TRMT10B: variants seen among roughly 807,000 people sequenced by gnomAD.
TRMT10B encodes the protein tRNA methyltransferase 10 homolog B.
TRMT10B carries 33 observed loss-of-function variants against 43.8 expected under a neutral mutation model. The ratio of observed to expected loss-of-function variants is 0.75; its 90% CI spans 0.57 to 1.01. The LOEUF is 1.01. Ranked by LOEUF, TRMT10B falls within the 50% of genes least tolerant of loss-of-function variation. The pLI, the probability that TRMT10B is intolerant of heterozygous loss-of-function variation, is 0.00. For synonymous variants in TRMT10B, 137 were observed against 130.6 expected (o/e 1.05, Z -0.34); for missense variants, 362 against 369.8 (o/e 0.98, Z 0.17).
intron 6 of TRMT10B, 39 bp downstream of exon 6, chr9:37,770,058 TC>T: frequency 6.5e-7 from 1 of 1,542,210 alleles, no homozygotes. Context: ...AGCCCATTGT[TC>T]CTGTGTTTCA....
rs1362824909 is a variant in TRMT10B, at chr9:37,777,609, A to G, written c.853A>G (p.Ile285Val). Residue 285 changes from isoleucine (I) to valine (V), a missense_variant, in exon 9 of 9, where the codon ATC (isoleucine) becomes GTC (valine). By Grantham distance (29) the Ile-to-Val change is conservative. Coordinates refer to ENST00000297994, the MANE Select transcript of TRMT10B (RefSeq NM_144964.4). The part of the protein sequence containing the change: ...EILAINQVFD[I>V]LSTYLETHNW... The stretch of plus-strand genomic sequence containing the variant: ...TGTTTACTCTCTAACAGTGTTTGAT[A>G]TCCTGTCCACTTACTTAGAGACTCA... 1 of 1,613,004 alleles carries G rather than the reference A, an allele frequency of 6.2e-7. No individual in the cohort carries two copies.
At position 37,753,867 on chromosome 9, in the gene TRMT10B, G is replaced by C. The variant is rs1037985613; in HGVS notation, c.-30+15G>C. ...GAGGGGATCAGGTACGCTGTCCGCT[G>C]GTTAAGGGGGCTGGCTGGGGGCTGC... On this transcript the variant is annotated intron_variant, in intron 1 of 8. Coordinates refer to ENST00000297994, the MANE Select transcript of TRMT10B (RefSeq NM_144964.4). The C allele has an allele frequency of 6.6e-6, 1 of 152,472 alleles. No individual in the cohort carries two copies. Among genetic ancestry groups the C allele is most frequent in the South Asian group, 2.1e-4 (1 of 4,842 alleles). The allele number at this position is 152,472 out of a possible 1,614,324, so 9.4% of individuals were successfully genotyped here.
At chr9:37,774,768 G>T (rs747724374) in intron 7 of TRMT10B, among the ~76,000 whole-genome samples, 1 of 152,174 alleles carries the variant, frequency 6.6e-6, no homozygotes, top group Non-Finnish European at 1.5e-5. Flanking sequence ...TGTCAGCACC[G>T]AAAAGGTACT....
At chr9:37,763,090 C>T (rs1428614049) in intron 3 of TRMT10B, among the ~76,000 whole-genome samples, 6 of 136,942 alleles carry the variant, frequency 4.4e-5, no homozygotes, top group Admixed American at 1.6e-4. Flanking sequence ...TGCAGTGAGC[C>T]GAGATTGAGC....
chr9:37,752,905 A>G (rs1228000616), upstream of TRMT10B, among the ~76,000 whole-genome samples: 1 of 152,140 alleles, frequency 6.6e-6, no homozygotes, highest in African/African-American at 2.4e-5. Flanking sequence ...AGCAGCGGCA[A>G]CCCGTTGGGG....
intron 4 of TRMT10B, 171 bp downstream of exon 4, chr9:37,763,924 A>C: frequency 7.4e-7 from 1 of 1,349,646 alleles, no homozygotes. Flanking sequence ...GTTGTAACGA[A>C]CCTGGAAGAG....
chr9:37,767,696 T>A (rs1189061814), intron 4 of TRMT10B, among the ~76,000 whole-genome samples: 1 of 151,924 alleles, frequency 6.6e-6, no homozygotes, highest in Non-Finnish European at 1.5e-5. Context: ...TCTCCTGAAG[T>A]TAGGAAGAAG....
rs1358418440 is a variant in TRMT10B, at chr9:37,756,574, T to C, written c.-30+2722T>C. Among the ~76,000 whole-genome samples the C allele has an allele frequency of 2.0e-5, 3 of 151,888 alleles. No individual in the cohort carries two copies. In the East Asian group the frequency reaches 5.8e-4, roughly 29 times the overall value. On this transcript the variant is annotated intron_variant, in intron 1 of 8. Coordinates refer to ENST00000297994, the MANE Select transcript of TRMT10B (RefSeq NM_144964.4). Reference sequence around the variant, plus strand: ...TGAAAAAATTAGCGTGGTGTGGTGGTGCGTGCCCGTAGACCCAGCTACTCG... The same window carrying C: ...TGAAAAAATTAGCGTGGTGTGGTGGCGCGTGCCCGTAGACCCAGCTACTCG...
At chr9:37,763,502 AACGAAT>A (rs774143455) in intron 3 of TRMT10B, 121 bp from the exon 4 acceptor site, 791 of 748,202 alleles carry the variant, frequency 1.1e-3, no homozygotes, top group Non-Finnish European at 1.2e-3. Flanking sequence ...TCTTCTAATG[AACGAAT>A]ACCTTACATC....
At chr9:37,754,162 G>T (rs929385831) in intron 1 of TRMT10B, among the ~76,000 whole-genome samples, 2 of 152,206 alleles carry the variant, frequency 1.3e-5, no homozygotes, top group African/African-American at 2.4e-5. Context: ...ACCTAGGGTG[G>T]GGGTGCGGAG....
At chr9:37,776,162 A>G in intron 7 of TRMT10B, 120 bp from the exon 8 acceptor site, 1 of 861,126 alleles carries the variant, frequency 1.2e-6, no homozygotes, top group South Asian at 3.1e-5. Flanking sequence ...GAGACAGTTA[A>G]CTCATTATCT....
chr9:37,753,577 G>C (rs78591290), upstream of TRMT10B, among the ~76,000 whole-genome samples: 2 of 152,056 alleles, frequency 1.3e-5, no homozygotes, highest in African/African-American at 2.4e-5. Flanking sequence ...CTGTGAAGTT[G>C]GTAAAGGGTT....
upstream of TRMT10B, among the ~76,000 whole-genome samples, chr9:37,753,217 C>T (rs1279417671): frequency 6.6e-6 from 1 of 152,230 alleles, no homozygotes; most frequent in Non-Finnish European, 1.5e-5. Context: ...AATTGTAACA[C>T]CGCGATGGTC....
chr9:37,767,973 T>C (rs1827170305), intron 4 of TRMT10B, 103 bp from the exon 5 acceptor site: 1 of 1,327,888 alleles, frequency 7.5e-7, no homozygotes, highest in Non-Finnish European at 1.1e-6. Context: ...TACATGGGGT[T>C]TTCTGGAGTA....
intron 4 of TRMT10B, among the ~76,000 whole-genome samples, chr9:37,765,102 G>A (rs940870588): frequency 2.6e-5 from 4 of 152,004 alleles, no homozygotes; most frequent in African/African-American, 9.7e-5. Flanking sequence ...TTGATGAAAA[G>A]TATTTAATTA....
At chr9:37,766,471 G>A (rs1826997372) in intron 4 of TRMT10B, among the ~76,000 whole-genome samples, 1 of 152,116 alleles carries the variant, frequency 6.6e-6, no homozygotes, top group Non-Finnish European at 1.5e-5. Flanking sequence ...ATGCTGTTTT[G>A]GTTACTGTAG....
rs1236476574 is a variant in TRMT10B, at chr9:37,761,984, AG to A, written c.57del (p.Gln20LysfsTer5). 18 of 1,613,928 alleles carry A rather than the reference AG, an allele frequency of 1.1e-5. No individual in the cohort carries two copies. Among genetic ancestry groups the A allele is most frequent in the Non-Finnish European group, 1.4e-5 (17 of 1,179,960 alleles). The part of the protein sequence containing the change: ...STQKVESPVL[Q>X]GQEGILEETG... ...CAGAAAGTAGAGTCACCTGTGCTGC[AG>A]GGGCAAGAAGGCATCCTAGAGGAGA... On this transcript the variant is annotated frameshift_variant, in exon 2 of 9. Transcript: ENST00000297994. LOFTEE classifies it high-confidence loss of function.
At chr9:37,771,303 AAG>A (rs1175335838) in intron 7 of TRMT10B, among the ~76,000 whole-genome samples, 2 of 152,218 alleles carry the variant, frequency 1.3e-5, no homozygotes, top group Non-Finnish European at 2.9e-5. Context: ...ATAAATATAA[AAG>A]AGTAGAATGA....
upstream of TRMT10B, among the ~76,000 whole-genome samples, chr9:37,753,049 C>A (rs1385877859): frequency 6.7e-6 from 1 of 149,016 alleles, no homozygotes; most frequent in African/African-American, 2.5e-5. Context: ...TTCTTGAGGC[C>A]CGTGTGACCA....
Sources: gnomAD v4.1 joint callset for allele counts (sites outside exome capture counted in the v4.1 genomes callset) on GRCh38, gnomAD v4.1.1 for gene constraint, MANE v1.5 for transcripts, NCBI Gene and HGNC (gene_info 2026-07-23, HGNC 2026-07-21) for gene names.